The following PAOX variants were observed in gnomAD, a reference collection of about 807,000 sequenced individuals.
PAOX encodes peroxisomal N(1)-acetyl-spermine/spermidine oxidase.
PAOX carries 38 observed loss-of-function variants against 39.0 expected under a neutral mutation model. That is an observed-to-expected ratio of 0.97 (90% CI 0.75 to 1.28). The LOEUF (loss-of-function observed/expected upper bound fraction) is 1.28, where lower values mean the gene tolerates loss of function less well. Among genes scored for constraint, PAOX ranks in the 50% most tolerant of loss-of-function variants. The pLI is 0.00. For synonymous variants in PAOX, 311 were observed against 314.4 expected, an observed-to-expected ratio of 0.99 and a Z score of 0.11; for missense variants, 667 against 685.7, an observed-to-expected ratio of 0.97 and a Z score of 0.30.
chr10:133,381,576 C>T lies in PAOX; in HGVS notation c.785C>T (p.Pro262Leu). The T allele has an allele frequency of 6.2e-7, 1 of 1,613,796 alleles. No individual in the cohort carries two copies. The highest frequency in any genetic ancestry group is 8.5e-7 in the Non-Finnish European group (1 of 1,180,030). The change falls in exon 3 of 7, where the codon CCC (proline) becomes CTC (leucine). Residue 262 changes from proline (P) to leucine (L), a missense_variant. By Grantham distance (98) the Pro-to-Leu change is moderately conservative. Transcript: ENST00000278060. The part of the protein sequence containing the change: ...WNGSFQEAAF[P>L]GETFPVSVEC... ...GGGTCCTTCCAGGAGGCAGCCTTTC[C>T]CGGGGAGACCTTTCCAGTGTCGGTA... is the stretch of plus-strand genomic sequence containing the variant.
intron 6 of PAOX, chr10:133,390,970 A>C: frequency 1.4e-6 from 1 of 701,808 alleles, no homozygotes; most frequent in Non-Finnish European, 2.6e-6. Flanking sequence ...GATGCGTGTG[A>C]GCCGTCTTCC....
intron 3 of PAOX, among the ~76,000 whole-genome samples, chr10:133,382,357 G>A (rs375432009): frequency 1.1e-4 from 17 of 152,338 alleles, no homozygotes; most frequent in African/African-American, 3.4e-4. Flanking sequence ...TGACAGGTGT[G>A]TGATGAAAAG....
intron 4 of PAOX, among the ~76,000 whole-genome samples, chr10:133,386,932 TTGTC>T (rs1452257439): frequency 9.9e-5 from 15 of 152,206 alleles, no homozygotes; most frequent in African/African-American, 3.6e-4. Context: ...TGAAATCTAT[TTGTC>T]TGTCTTGCAC....
At chr10:133,390,153 G>C (rs1294269850) in intron 6 of PAOX, among the ~76,000 whole-genome samples, 1 of 152,042 alleles carries the variant, frequency 6.6e-6, no homozygotes, top group Non-Finnish European at 1.5e-5. Context: ...TGCCCACCAG[G>C]CTTCCCCTAA....
At chr10:133,386,940 C>G (rs1849545737) in intron 4 of PAOX, among the ~76,000 whole-genome samples, 1 of 152,212 alleles carries the variant, frequency 6.6e-6, no homozygotes, top group African/African-American at 2.4e-5. Flanking sequence ...ATTTGTCTGT[C>G]TTGCACTTTA....
At chr10:133,383,200 G>A (rs1023734534) in intron 3 of PAOX, among the ~76,000 whole-genome samples, 10 of 152,066 alleles carry the variant, frequency 6.6e-5, no homozygotes, top group South Asian at 2.1e-4. Flanking sequence ...AAAAAGGAGC[G>A]GGTTAATTTG....
chr10:133,380,037 C>T lies in PAOX; in HGVS notation c.220C>T (p.Pro74Ser). The T allele has an allele frequency of 2.0e-6, 3 of 1,520,194 alleles. No homozygotes were observed. Among genetic ancestry groups the T allele is most frequent in the Non-Finnish European group, 2.6e-6 (3 of 1,138,708 alleles). 94.2% of individuals were successfully genotyped at this position (1,520,194 alleles called of 1,614,324 possible). The change falls in exon 2 of 7, where the codon CCC becomes TCC. Residue 74 changes from proline (P) to serine (S), a missense_variant. Pro to Ser is a moderately conservative substitution (Grantham distance 74). Coordinates refer to ENST00000278060, the MANE Select transcript of PAOX (RefSeq NM_152911.4). Reference sequence around the variant, plus strand: ...GGTGGGCGCGCACTGGATCCATGGGCCCTCCCGGGGTAACCCCGTCTTCCA... The same window carrying T: ...GGTGGGCGCGCACTGGATCCATGGGTCCTCCCGGGGTAACCCCGTCTTCCA... ...VEVGAHWIHGPSRGNPVFQLA... is the reference protein window; with the variant it reads ...VEVGAHWIHGSSRGNPVFQLA...
chr10:133,388,922 T>C, intron 4 of PAOX, 34 bp from the exon 5 acceptor site: 1 of 1,184,986 alleles, frequency 8.4e-7, no homozygotes, highest in Non-Finnish European at 1.3e-6. Context: ...TCCATGCAGG[T>C]CTGGTCATCC....
In PAOX at chr10:133,384,721, T is replaced by A. The variant is rs1467931213; in HGVS notation, c.1121+509T>A. Reference sequence around the variant, plus strand: ...GCGATTCAGGAGTTAATCCCATGAGTGATGTGGGGATGGAGGGACTGACTT... The same window carrying A: ...GCGATTCAGGAGTTAATCCCATGAGAGATGTGGGGATGGAGGGACTGACTT... On this transcript the variant is annotated intron_variant, in intron 4 of 6. Coordinates refer to ENST00000278060, the MANE Select transcript of PAOX (RefSeq NM_152911.4). This position sits in a 1 kb window ranked among gnomAD's most constrained non-coding sequence, Gnocchi z 4.3. Among the ~76,000 whole-genome samples the A allele has an allele frequency of 6.6e-6, 1 of 151,530 alleles. No individual in the cohort carries two copies. Among genetic ancestry groups the A allele is most frequent in the African/African-American group, 2.4e-5 (1 of 41,202 alleles).
At position 133,389,019 on chromosome 10, in the gene PAOX, G is replaced by A. The variant is rs1436846477; in HGVS notation, c.1185G>A (p.Ser395=). The part of the protein sequence containing the change: ...GLESEFMETL[S]DEEVLLCLTQ... Reference sequence around the variant, plus strand: ...AGTCTGAGTTCATGGAGACTCTGTCGGATGAAGAAGTACTTCTGTGTCTCA... The same window carrying A: ...AGTCTGAGTTCATGGAGACTCTGTCAGATGAAGAAGTACTTCTGTGTCTCA... The change falls in exon 5 of 7, where the codon TCG becomes TCA. Residue 395 remains serine (S), a synonymous_variant. Coordinates refer to ENST00000278060, the MANE Select transcript of PAOX (RefSeq NM_152911.4). The A allele has an allele frequency of 2.5e-6, 4 of 1,614,030 alleles. No individual in the cohort carries two copies. Among genetic ancestry groups the A allele is most frequent in the East Asian group, 2.2e-5 (1 of 44,898 alleles).
At position 133,379,377 on chromosome 10, in the gene PAOX, G is replaced by A. The variant is rs2133453283; in HGVS notation, c.61G>A (p.Gly21Ser). The A allele has an allele frequency of 1.6e-6, 2 of 1,220,536 alleles. No homozygotes were observed. Among genetic ancestry groups the A allele is most frequent in the Non-Finnish European group, 2.0e-6 (2 of 980,948 alleles). The allele number at this position is 1,220,536 out of a possible 1,614,324, so 75.6% of individuals were successfully genotyped here. Residue 21 changes from glycine (G) to serine (S), a missense_variant, in exon 1 of 7, where the codon GGC (glycine) becomes AGC (serine). By Grantham distance (56) the Gly-to-Ser change is moderately conservative (BLOSUM62 0). Coordinates refer to ENST00000278060, the MANE Select transcript of PAOX (RefSeq NM_152911.4). ...CGGACCCCGGGTGCTGGTGGTGGGC[G>A]GCGGCATCGCGGGGCTGGGCGCGGC... is the stretch of plus-strand genomic sequence containing the variant. ...PGGPRVLVVG[G>S]GIAGLGAAQR...
At position 133,379,269 on chromosome 10, in the gene PAOX, C is replaced by G. The variant is rs1360699997; in HGVS notation, c.-48C>G. On this transcript the variant is annotated 5_prime_UTR_variant, in exon 1 of 7. Coordinates refer to ENST00000278060, the MANE Select transcript of PAOX (RefSeq NM_152911.4). ...CCGCCTCCGGCCTCCTCCGAGAGCT[C>G]CAGACCTCCCGGCTACTCAGAAGCC... 1.7e-6 allele frequency: 2 copies of G among 1,203,160 alleles called. No individual in the cohort carries two copies. Among genetic ancestry groups the G allele is most frequent in the African/African-American group, 1.6e-5 (1 of 62,264 alleles). The allele number at this position is 1,203,160 out of a possible 1,614,324, so 74.5% of individuals were successfully genotyped here. A position where few individuals can be genotyped will look rare whatever the true frequency, so the allele number is the denominator to read the frequency against.
intron 4 of PAOX, among the ~76,000 whole-genome samples, chr10:133,386,085 C>T (rs1238965418): frequency 2.7e-5 from 4 of 145,794 alleles, no homozygotes; most frequent in Admixed American, 7.0e-5. Flanking sequence ...AATGCAGTGG[C>T]GTGATCTCAG....
intron 4 of PAOX, among the ~76,000 whole-genome samples, chr10:133,386,635 C>T (rs554932439): frequency 8.6e-5 from 13 of 151,938 alleles, no homozygotes; most frequent in Admixed American, 3.9e-4. Flanking sequence ...CCACCACACC[C>T]GGCTAATTTA....
At position 133,391,128 on chromosome 10, in the gene PAOX, G is replaced by A. The variant is rs766550284; in HGVS notation, c.1393-184G>A. The stretch of plus-strand genomic sequence containing the variant: ...GCTGTTTTCCTGCCCGTTGGTGGAT[G>A]TGTGTGAGCTGTTTTCCTGGCTATT... On this transcript the variant is annotated intron_variant, in intron 6 of 6. Coordinates refer to ENST00000278060, the MANE Select transcript of PAOX (RefSeq NM_152911.4). The A allele has an allele frequency of 2.8e-5, 20 of 710,802 alleles. 1 individual carries two copies. Among genetic ancestry groups the A allele is most frequent in the Non-Finnish European group, 4.6e-5 (18 of 392,084 alleles). 44.0% of individuals were successfully genotyped at this position (710,802 alleles called of 1,614,324 possible). A position where few individuals can be genotyped will look rare whatever the true frequency, so the allele number is the denominator to read the frequency against.
Position 133,389,714 on chromosome 10 carries a change from TCAGCCCCTCCCTGCAGA to T in PAOX, c.1361_1377del (p.Gln454ArgfsTer81). 6.3e-7 allele frequency: 1 copy of T among 1,582,476 alleles called. No homozygotes were observed. The highest frequency in any genetic ancestry group is 1.4e-5 in the African/African-American group (1 of 73,860). ...CTGGGGGCGACCTGGACCTGCTGGC[TCAGCCCCTCCCTGCAGA>T]CGGCGCCGGCGCCCAGGTATGTGGC... On this transcript the variant is annotated frameshift_variant, in exon 6 of 7. Coordinates refer to ENST00000278060, the MANE Select transcript of PAOX (RefSeq NM_152911.4). LOFTEE classifies it low-confidence loss of function (END_TRUNC).
At chr10:133,382,309 A>G (rs1261092450) in intron 3 of PAOX, among the ~76,000 whole-genome samples, 2 of 150,962 alleles carry the variant, frequency 1.3e-5, no homozygotes, top group African/African-American at 2.5e-5. Context: ...TCACAAAGCT[A>G]GCGATTGCCA....
At chr10:133,379,689 G>A (rs1218365899) in intron 1 of PAOX, 192 bp downstream of exon 1, 7 of 561,044 alleles carry the variant, frequency 1.2e-5, no homozygotes, top group Non-Finnish European at 1.9e-5. Flanking sequence ...GGAGGGCGCC[G>A]GCCAGGGAAG....
At chr10:133,383,630 A>G (rs574059449) in intron 3 of PAOX, among the ~76,000 whole-genome samples, 1 of 149,274 alleles carries the variant, frequency 6.7e-6, no homozygotes, top group Non-Finnish European at 1.5e-5. Flanking sequence ...GAAAACCCAA[A>G]AAACAAAAAA....
Sources: gnomAD v4.1 joint callset for allele counts (sites outside exome capture counted in the v4.1 genomes callset) on GRCh38, gnomAD v4.1.1 for gene constraint, Gnocchi (gnomAD v3.1) non-coding constraint, MANE v1.5 for transcripts, NCBI Gene and HGNC (gene_info 2026-07-23, HGNC 2026-07-21) for gene names.